The following NAALADL2 variants were observed in gnomAD, a reference collection of about 807,000 sequenced individuals.
The protein encoded by NAALADL2 is inactive N-acetylated-alpha-linked acidic dipeptidase-like protein 2.
In NAALADL2, 76 loss-of-function variants were observed where a neutral mutation model predicts 87.2. That is an observed-to-expected ratio of 0.87 (90% confidence interval 0.72 to 1.05). The LOEUF (loss-of-function observed/expected upper bound fraction) is 1.05, where lower values mean the gene tolerates loss of function less well. NAALADL2 is among the 50% of genes least tolerant of loss of function. The pLI, the probability that NAALADL2 is intolerant of heterozygous loss-of-function variation, is 0.00. For synonymous variants in NAALADL2, 354 were observed against 331.0 expected, an observed-to-expected ratio of 1.07 and a Z score of -0.75; for missense variants, 1,089 against 945.8, an observed-to-expected ratio of 1.15 and a Z score of -1.99.
chr3:175,050,515 G>A lies in NAALADL2; in HGVS notation c.44-46275G>A, dbSNP rs947644371. ...TTTATTTCAATGTTTAATATTAGAA[G>A]TGTTTTGGGTCTTCATTTCAAAGTT... On this transcript the variant is annotated intron_variant, in intron 1 of 13. Coordinates refer to ENST00000454872, the MANE Select transcript of NAALADL2 (RefSeq NM_207015.3). 6.6e-5 allele frequency among the ~76,000 whole-genome samples: 10 copies of A among 152,166 alleles called. No individual in the cohort carries two copies. The East Asian group carries it at 1.5e-3, about 23-fold the overall frequency.
intron 1 of NAALADL2, among the ~76,000 whole-genome samples, chr3:174,498,902 C>T (rs960158980): frequency 4.6e-5 from 7 of 151,978 alleles, no homozygotes; most frequent in African/African-American, 1.7e-4. Context: ...CCCTTATCCT[C>T]ACTTTCACTT....
chr3:174,971,208 G>A (rs907406067), intron 1 of NAALADL2, among the ~76,000 whole-genome samples: 1 of 152,198 alleles, frequency 6.6e-6, no homozygotes, highest in Admixed American at 6.5e-5. Context: ...AATTCTGGGA[G>A]ATACAATCCA....
intron 11 of NAALADL2, among the ~76,000 whole-genome samples, chr3:175,724,139 C>T (rs557931881): frequency 2.6e-5 from 4 of 152,034 alleles, no homozygotes; most frequent in Non-Finnish European, 4.4e-5. Flanking sequence ...AGATAAATAT[C>T]GCTCAGATAA....
intron 3 of NAALADL2, among the ~76,000 whole-genome samples, chr3:174,792,596 T>C (rs1418268933): frequency 6.6e-6 from 1 of 152,182 alleles, no homozygotes; most frequent in East Asian, 1.9e-4. Flanking sequence ...ACCCTTCTGG[T>C]ATGGCAATTC....
At position 174,836,305 on chromosome 3, in the gene NAALADL2, A is replaced by G. The variant is rs149985100; in HGVS notation, c.-9+98559A>G. Among the ~76,000 whole-genome samples, 28 of 152,268 alleles carry G rather than the reference A, an allele frequency of 1.8e-4. 2 individuals carry two copies. In the East Asian group the frequency reaches 5.4e-3, roughly 29 times the overall value. On this transcript the variant is annotated intron_variant, in intron 3 of 3. Transcript: ENST00000434257. The stretch of plus-strand genomic sequence containing the variant: ...AGTCAAATTTATAGAGATAGAGAGT[A>G]GAAGGGCGTTACTGTAGGCTGAGGG...
At chr3:174,854,686 A>G (rs1172172676), upstream of NAALADL2, among the ~76,000 whole-genome samples, 1 of 152,138 alleles carries the variant, frequency 6.6e-6, no homozygotes, top group East Asian at 1.9e-4. Context: ...AATTAAGAAT[A>G]AAATTATTTT....
chr3:174,662,517 G>T, intron 2 of NAALADL2, among the ~76,000 whole-genome samples: 1 of 132,426 alleles, frequency 7.6e-6, no homozygotes, highest in African/African-American at 4.4e-5. Context: ...TTCTGAAGTC[G>T]TTGAGATGCA....
At chr3:175,273,706 A>T (rs2110029222) in intron 4 of NAALADL2, among the ~76,000 whole-genome samples, 1 of 150,922 alleles carries the variant, frequency 6.6e-6, no homozygotes, top group East Asian at 1.9e-4. Flanking sequence ...TTCATAAAGA[A>T]TATGTGTGTG....
chr3:174,619,243 CA>C (rs1453140495), intron 2 of NAALADL2, among the ~76,000 whole-genome samples: 1 of 151,916 alleles, frequency 6.6e-6, no homozygotes, highest in African/African-American at 2.4e-5. Flanking sequence ...ATGGTCTGAG[CA>C]GGGTTTTCAT....
intron 11 of NAALADL2, among the ~76,000 whole-genome samples, chr3:175,689,879 T>G (rs1017835425): frequency 2.0e-5 from 3 of 152,094 alleles, no homozygotes; most frequent in Non-Finnish European, 2.9e-5. Flanking sequence ...AGAATAAGTA[T>G]CACTCTTCTT....
chr3:174,540,351 TTC>T (rs1211027251), intron 1 of NAALADL2, among the ~76,000 whole-genome samples: 2 of 152,172 alleles, frequency 1.3e-5, no homozygotes, highest in Non-Finnish European at 2.9e-5. Flanking sequence ...CCTGTGCTTA[TTC>T]TCTCTGTTGG....
intron 2 of NAALADL2, among the ~76,000 whole-genome samples, chr3:175,134,799 G>C (rs1728853185): frequency 6.6e-6 from 1 of 152,148 alleles, no homozygotes; most frequent in Non-Finnish European, 1.5e-5. Context: ...GTGAGACCAT[G>C]AATACCTGTC....
intron 3 of NAALADL2, among the ~76,000 whole-genome samples, chr3:174,847,410 G>C (rs1430420154): frequency 6.6e-6 from 1 of 152,096 alleles, no homozygotes; most frequent in Non-Finnish European, 1.5e-5. Context: ...ATAATATCAT[G>C]TTGCAAACTT....
At chr3:174,478,355 G>C (rs753232878) in intron 1 of NAALADL2, among the ~76,000 whole-genome samples, 2 of 152,212 alleles carry the variant, frequency 1.3e-5, no homozygotes, top group Non-Finnish European at 2.9e-5. Flanking sequence ...TTACAAGACA[G>C]TGCTATCTTA....
intron 9 of NAALADL2, among the ~76,000 whole-genome samples, chr3:175,514,655 G>A (rs141268749): frequency 4.6e-5 from 7 of 152,194 alleles, no homozygotes; most frequent in African/African-American, 1.2e-4. Context: ...TACAAGCAGC[G>A]GTGTGTTGTC....
intron 3 of NAALADL2, among the ~76,000 whole-genome samples, chr3:174,776,393 A>G (rs538340): frequency 0.53 from 80,296 of 151,812 alleles, 21,608 homozygotes; most frequent in Middle Eastern, 0.64. Flanking sequence ...TTAGGTAATA[A>G]ACTTTACAGA....
chr3:174,850,969 C>T (rs975315349), intron 3 of NAALADL2, among the ~76,000 whole-genome samples: 5 of 152,016 alleles, frequency 3.3e-5, no homozygotes, highest in African/African-American at 4.8e-5. Flanking sequence ...ACTTTGGAAA[C>T]TCTACAAACA....
rs181395861 is a variant in NAALADL2 at position 175,710,254 on chromosome 3, G to A, written c.1897-27052G>A. Among the ~76,000 whole-genome samples the A allele has an allele frequency of 1.8e-3, 277 of 152,116 alleles. 3 individuals carry two copies. The highest frequency in any genetic ancestry group is 6.5e-3 in the African/African-American group (270 of 41,530). ...AAAGAGCAGGAAAGTAGGAAAGTAT[G>A]AAGGTATGGTATGTACCTGTAGGCT... On this transcript the variant is annotated intron_variant, in intron 11 of 13. Transcript: ENST00000454872.
chr3:175,576,225 A>T, intron 10 of NAALADL2, 38 bp downstream of exon 10: 21 of 1,570,204 alleles, frequency 1.3e-5, no homozygotes, highest in Non-Finnish European at 1.8e-5. Flanking sequence ...CACACACACA[A>T]TATAGTAGAC....
Sources: gnomAD v4.1 joint callset for allele counts (sites outside exome capture counted in the v4.1 genomes callset) on GRCh38, gnomAD v4.1.1 for gene constraint, MANE v1.5 for transcripts, NCBI Gene and HGNC (gene_info 2026-07-23, HGNC 2026-07-21) for gene names.